CYP19A1: variants seen among roughly 807,000 people sequenced by gnomAD.
CYP19A1 encodes the protein cytochrome P450 family 19 subfamily A member 1, also known as aromatase.
A neutral mutation model predicts 44.4 loss-of-function variants in CYP19A1; 32 were observed. The observed-to-expected ratio is 0.72, with a 90% CI of 0.54 to 0.97. The LOEUF is 0.97. CYP19A1 is among the 50% of genes least tolerant of loss of function. The pLI is 0.00. For synonymous variants in CYP19A1, 212 were observed against 215.6 expected, an observed-to-expected ratio of 0.98 and a Z score of 0.14; for missense variants, 598 against 637.8, an observed-to-expected ratio of 0.94 and a Z score of 0.67.
intron 1 of CYP19A1, among the ~76,000 whole-genome samples, chr15:51,286,878 G>T (rs2035715227): frequency 6.6e-6 from 1 of 152,246 alleles, no homozygotes; most frequent in South Asian, 2.1e-4. Flanking sequence ...GATCTTGAGA[G>T]AAGTGAGCCA....
At chr15:51,311,270 A>C (rs2036305172) in intron 1 of CYP19A1, among the ~76,000 whole-genome samples, 1 of 152,252 alleles carries the variant, frequency 6.6e-6, no homozygotes, top group Non-Finnish European at 1.5e-5. Context: ...GTCAAGCAAT[A>C]GAAATTATAT....
At chr15:51,258,277 G>T (rs572597682) in intron 1 of CYP19A1, among the ~76,000 whole-genome samples, 1 of 152,128 alleles carries the variant, frequency 6.6e-6, no homozygotes, top group Non-Finnish European at 1.5e-5. Context: ...TTTAGTTTGG[G>T]TTGCACACTT....
chr15:51,211,586 A>G, intron 9 of CYP19A1: 1 of 383,964 alleles, frequency 2.6e-6, no homozygotes, highest in East Asian at 7.8e-5. Context: ...ATTTTTGTTG[A>G]TCAGTTGACT....
intron 1 of CYP19A1, among the ~76,000 whole-genome samples, chr15:51,319,722 A>G (rs577256006): frequency 6.6e-6 from 1 of 152,352 alleles, no homozygotes; most frequent in East Asian, 1.9e-4. Context: ...TGGGCATGAA[A>G]GGCCTTTGAA....
intron 1 of CYP19A1, among the ~76,000 whole-genome samples, chr15:51,270,995 A>C (rs979814667): frequency 1.3e-5 from 2 of 151,988 alleles, no homozygotes; most frequent in Admixed American, 1.3e-4. Context: ...TGAGGGTATC[A>C]GTGGCCTCCC....
intron 1 of CYP19A1, among the ~76,000 whole-genome samples, chr15:51,274,299 A>T (rs990178250): frequency 6.6e-6 from 1 of 152,160 alleles, no homozygotes; most frequent in Admixed American, 6.5e-5. Context: ...AATTGAACCT[A>T]TTACTGGGCA....
chr15:51,274,648 C>T (rs150951264), intron 1 of CYP19A1, among the ~76,000 whole-genome samples: 1 of 152,292 alleles, frequency 6.6e-6, no homozygotes, highest in Non-Finnish European at 1.5e-5. Flanking sequence ...AACTGTCTGG[C>T]TTTAGGCACG....
At chr15:51,250,400 G>A (rs2034261247) in intron 1 of CYP19A1, among the ~76,000 whole-genome samples, 1 of 152,156 alleles carries the variant, frequency 6.6e-6, no homozygotes, top group African/African-American at 2.4e-5. Flanking sequence ...AGCAAGCCTG[G>A]GACTTGGGAA....
intron 1 of CYP19A1, among the ~76,000 whole-genome samples, chr15:51,337,185 T>A (rs2036790447): frequency 6.6e-6 from 1 of 152,228 alleles, no homozygotes. Flanking sequence ...CACAAGTCCC[T>A]GCTGTGAGAG....
At chr15:51,277,317 G>A (rs1206183472) in intron 1 of CYP19A1, 2 of 152,270 alleles carry the variant, frequency 1.3e-5, no homozygotes, top group East Asian at 3.9e-4. Context: ...AAGGAGTACA[G>A]ATGAAGTAAC....
chr15:51,295,073 A>C (rs905563510), intron 1 of CYP19A1, among the ~76,000 whole-genome samples: 3 of 151,326 alleles, frequency 2.0e-5, no homozygotes, highest in Non-Finnish European at 4.4e-5. Context: ...CATTACAAAG[A>C]TCTCTAGCTG....
At chr15:51,283,973 C>T (rs2140977441) in intron 1 of CYP19A1, among the ~76,000 whole-genome samples, 1 of 152,306 alleles carries the variant, frequency 6.6e-6, no homozygotes, top group East Asian at 1.9e-4. Context: ...GGACGCTTAC[C>T]CTCAGGAACA....
chr15:51,231,667 C>T (rs1301322147), intron 3 of CYP19A1, among the ~76,000 whole-genome samples: 1 of 151,812 alleles, frequency 6.6e-6, no homozygotes, highest in East Asian at 1.9e-4. Context: ...GCACACGTGC[C>T]TGCTGTCAGG....
chr15:51,285,912 G>A (rs970115844), intron 1 of CYP19A1, among the ~76,000 whole-genome samples: 1 of 152,122 alleles, frequency 6.6e-6, no homozygotes, highest in Non-Finnish European at 1.5e-5. Flanking sequence ...TGTTGGATCT[G>A]ATCACCCCAA....
In CYP19A1 at chr15:51,316,131, T is replaced by C. The variant is rs2036422261; in HGVS notation, c.-39+22364A>G. The C allele has an allele frequency of 2.6e-5, 4 of 152,164 alleles. 1 individual carries two copies. The highest frequency in any genetic ancestry group is 9.7e-5 in the African/African-American group (4 of 41,428). The allele number at this position is 152,164 out of a possible 1,614,324, so 9.4% of individuals were successfully genotyped here. On this transcript the variant is annotated intron_variant, in intron 1 of 9. Coordinates refer to ENST00000396402, the MANE Select transcript of CYP19A1 (RefSeq NM_000103.4). ...GTTCAGTTTCCTCAGTAGTAAAATG[T>C]GGTAAGGTAAGGGGAAGGACTAATA...
At chr15:51,247,561 C>CT (rs1424499827) in intron 1 of CYP19A1, among the ~76,000 whole-genome samples, 1 of 152,128 alleles carries the variant, frequency 6.6e-6, no homozygotes, top group Admixed American at 6.5e-5. Context: ...CAACGTCTTC[C>CT]TCCCAGGTTC....
intron 1 of CYP19A1, among the ~76,000 whole-genome samples, chr15:51,251,447 C>T (rs970804678): frequency 3.9e-5 from 6 of 152,156 alleles, no homozygotes; most frequent in African/African-American, 1.4e-4. Context: ...ACGGCAGAAA[C>T]AGGGAATGTC....
intron 1 of CYP19A1, among the ~76,000 whole-genome samples, chr15:51,314,456 A>G (rs2036383951): frequency 6.6e-6 from 1 of 152,078 alleles, no homozygotes; most frequent in South Asian, 2.1e-4. Context: ...GGTCCATGAA[A>G]AGCTCTGTGC....
In CYP19A1 at chr15:51,210,894, C is replaced by T. The variant is rs577716822; in HGVS notation, c.1426G>A (p.Asp476Asn). The T allele has an allele frequency of 1.4e-5, 22 of 1,592,708 alleles. No homozygotes were observed. Among genetic ancestry groups the T allele is most frequent in the Admixed American group, 1.7e-5 (1 of 59,966 alleles). Reference protein sequence around the residue: ...QCVESIQKIHDLSLHPDETKN... With the variant: ...QCVESIQKIHNLSLHPDETKN... ...GTCTCATCTGGGTGCAAGGACAAGT[C>T]GTGTATCTTCTGTATGCTCTCAACA... Residue 476 changes from aspartate (D) to asparagine (N), a missense_variant, in exon 10 of 10, where the codon GAC becomes AAC. Physicochemically the swap from Asp to Asn is conservative, Grantham distance 23 (BLOSUM62 1). Coordinates refer to ENST00000396402, the MANE Select transcript of CYP19A1 (RefSeq NM_000103.4).
Sources: gnomAD v4.1 joint callset for allele counts (sites outside exome capture counted in the v4.1 genomes callset) on GRCh38, gnomAD v4.1.1 for gene constraint, MANE v1.5 for transcripts, NCBI Gene and HGNC (gene_info 2026-07-23, HGNC 2026-07-21) for gene names.